DNMT3A: variants seen among roughly 807,000 people sequenced by gnomAD.
DNMT3A encodes the protein DNA methyltransferase 3 alpha, also known as DNA (cytosine-5)-methyltransferase 3A.
Under a neutral mutation model 117.6 loss-of-function variants are expected in DNMT3A, and 267 were observed. That is an observed-to-expected ratio of 2.27 (90% CI 2.05 to 2.51). The LOEUF (loss-of-function observed/expected upper bound fraction) is 2.51. Ranked by LOEUF, DNMT3A falls within the 30% of genes most tolerant of loss-of-function variation. The probability of loss-of-function intolerance (pLI) is 0.00; values close to 1 mark genes in which losing one functional copy is unlikely to be tolerated. For synonymous variants in DNMT3A, 432 were observed against 474.8 expected, an observed-to-expected ratio of 0.91 and a Z score of 1.17; for missense variants, 1,029 against 1,260.2, an observed-to-expected ratio of 0.82 and a Z score of 2.78.
chr2:25,325,641 G>C (rs760394925), intron 1 of DNMT3A, among the ~76,000 whole-genome samples: 2 of 152,166 alleles, frequency 1.3e-5, no homozygotes, highest in East Asian at 3.9e-4. Context: ...CCCTGGGAGA[G>C]AAGACACACA....
chr2:25,239,629 G>A, intron 19 of DNMT3A: 1 of 481,058 alleles, frequency 2.1e-6, no homozygotes, highest in Admixed American at 2.3e-5. Context: ...CAGAGGCTGG[G>A]AGAGCCCAGG....
chr2:25,264,157 T>TTTTTTTTTTTTTTTTTTTTAG (rs2029993964), intron 6 of DNMT3A, among the ~76,000 whole-genome samples: 1 of 145,014 alleles, frequency 6.9e-6, no homozygotes, highest in Non-Finnish European at 1.5e-5. Flanking sequence ...TTTTTTTTTT[T>TTTTTTTTTTTTTTTTTTTTAG]GAGACAAGGT....
intron 1 of DNMT3A, among the ~76,000 whole-genome samples, chr2:25,329,095 G>A (rs764533840): frequency 1.3e-5 from 2 of 152,160 alleles, no homozygotes; most frequent in Non-Finnish European, 2.9e-5. Context: ...AAGGGAGCTC[G>A]CTGCTCTCAG....
At chr2:25,245,163 C>T (rs1674590649) in intron 13 of DNMT3A, 90 bp downstream of exon 13, 1 of 1,281,160 alleles carries the variant, frequency 7.8e-7, no homozygotes, top group African/African-American at 1.5e-5. Context: ...GGGTGTCACC[C>T]TGTACATGCC....
At position 25,247,476 on chromosome 2, in the gene DNMT3A, G is replaced by C; in HGVS notation, c.1014+115C>G. 6.8e-7 allele frequency: 1 copy of C among 1,474,226 alleles called. No individual in the cohort carries two copies. Among genetic ancestry groups the C allele is most frequent in the Non-Finnish European group, 9.2e-7 (1 of 1,086,338 alleles). The allele number at this position is 1,474,226 out of a possible 1,614,324, so 91.3% of individuals were successfully genotyped here. A position where few individuals can be genotyped will look rare whatever the true frequency, so the allele number is the denominator to read the frequency against. On this transcript the variant is annotated intron_variant, in intron 8 of 22. Transcript: ENST00000321117. The surrounding 1 kb of genome is among the most constrained non-coding windows in gnomAD (Gnocchi z 5.6). ...TCCACCCACCACAGGCAGAGTAGGGGTGAGCAGAACCCACTTCCATCACCC... is the reference window on the plus strand; with the variant it reads ...TCCACCCACCACAGGCAGAGTAGGGCTGAGCAGAACCCACTTCCATCACCC...
At chr2:25,301,514 C>T (rs184351634) in intron 2 of DNMT3A, among the ~76,000 whole-genome samples, 39 of 152,256 alleles carry the variant, frequency 2.6e-4, no homozygotes, top group Non-Finnish European at 8.8e-5. Flanking sequence ...TTTTACTCCC[C>T]GCCCCTCACA....
intron 1 of DNMT3A, among the ~76,000 whole-genome samples, chr2:25,332,383 C>T (rs924464615): frequency 5.9e-5 from 9 of 152,192 alleles, no homozygotes; most frequent in African/African-American, 1.4e-4. Flanking sequence ...CCCCTGAATC[C>T]GACTTCCTTC....
Position 25,300,716 on chromosome 2 carries a change from T to C in DNMT3A, c.73-473A>G, listed in dbSNP as rs1203674190. On this transcript the variant is annotated intron_variant, in intron 2 of 22. Transcript: ENST00000321117. Reference sequence around the variant, plus strand: ...ATTTATATATCTAAATAATATAATATATATATATATATATATATATATATA... The same window carrying C: ...ATTTATATATCTAAATAATATAATACATATATATATATATATATATATATA... 6.2e-3 allele frequency among the ~76,000 whole-genome samples: 21 copies of C among 3,370 alleles called. 2 individuals carry two copies. The highest frequency in any genetic ancestry group is 8.4e-3 in the Non-Finnish European group (12 of 1,436). The allele number at this position is 3,370 out of a possible 152,430, so 2.2% of individuals were successfully genotyped here. A position where few individuals can be genotyped will look rare whatever the true frequency, so the allele number is the denominator to read the frequency against.
intron 1 of DNMT3A, among the ~76,000 whole-genome samples, chr2:25,319,037 C>T (rs1409753743): frequency 2.3e-4 from 26 of 111,332 alleles, no homozygotes; most frequent in Middle Eastern, 0.016. Flanking sequence ...TTTTTTGAGA[C>T]GGAGTCTTGC....
At chr2:25,328,196 T>C (rs764587086) in intron 1 of DNMT3A, among the ~76,000 whole-genome samples, 3 of 152,248 alleles carry the variant, frequency 2.0e-5, no homozygotes, top group African/African-American at 7.2e-5. Context: ...ATGTGAATTA[T>C]ATCTTAAAGC....
At chr2:25,321,236 T>G (rs2034586294) in intron 1 of DNMT3A, among the ~76,000 whole-genome samples, 1 of 152,220 alleles carries the variant, frequency 6.6e-6, no homozygotes, top group African/African-American at 2.4e-5. Context: ...TGCATTCTTT[T>G]CTGGAAACTC....
In DNMT3A at chr2:25,234,541, G is replaced by T; in HGVS notation, c.2598-121C>A. ...AGCCACCCGAAGTGCAGGGACAGGG[G>T]CACTCACACCCACCAACTCCTCTGA... On this transcript the variant is annotated intron_variant, in intron 22 of 22. Transcript: ENST00000321117. This position sits in a 1 kb window ranked among gnomAD's most constrained non-coding sequence, Gnocchi z 4.5. The T allele has an allele frequency of 1.7e-6, 2 of 1,182,924 alleles. No homozygotes were observed. The highest frequency in any genetic ancestry group is 2.3e-6 in the Non-Finnish European group (2 of 864,666). The allele number at this position is 1,182,924 out of a possible 1,614,324, so 73.3% of individuals were successfully genotyped here. A position where few individuals can be genotyped will look rare whatever the true frequency, so the allele number is the denominator to read the frequency against.
intron 6 of DNMT3A, among the ~76,000 whole-genome samples, chr2:25,258,466 T>A (rs1676345310): frequency 6.6e-6 from 1 of 152,046 alleles, no homozygotes; most frequent in Admixed American, 6.5e-5. Context: ...GGTCAGTCAG[T>A]CCTTAGCACC....
chr2:25,289,919 G>A (rs547177170), intron 3 of DNMT3A, among the ~76,000 whole-genome samples: 24 of 152,340 alleles, frequency 1.6e-4, no homozygotes, highest in Admixed American at 1.2e-3. Flanking sequence ...AAAGCCTTGC[G>A]TCCCAGGGTG....
chr2:25,301,715 G>T (rs796516967), intron 2 of DNMT3A, among the ~76,000 whole-genome samples: 1 of 152,176 alleles, frequency 6.6e-6, no homozygotes, highest in Non-Finnish European at 1.5e-5. Context: ...AAGACGTCCT[G>T]ACCCTGCAGA....
In DNMT3A at chr2:25,229,470, TCTCCAGCACTGAGAGCAGG is replaced by T. The variant is rs1411624671; in HGVS notation, c.*4790_*4808del. On this transcript the variant is annotated 3_prime_UTR_variant, in exon 23 of 23. Coordinates refer to ENST00000321117, the MANE Select transcript of DNMT3A (RefSeq NM_022552.5). ...GGACAACTCCAGGGTCGCTCTCTAG[TCTCCAGCACTGAGAGCAGG>T]CAGCGTGGAGAATACGCAATGACAA... 3 of 152,134 alleles carry T rather than the reference TCTCCAGCACTGAGAGCAGG, an allele frequency of 2.0e-5. No individual in the cohort carries two copies. The South Asian group carries it at 6.2e-4, about 32-fold the overall frequency. The allele number at this position is 152,134 out of a possible 1,614,324, so 9.4% of individuals were successfully genotyped here.
Position 25,282,772 on chromosome 2 carries a change from G to C in DNMT3A, c.178-61C>G. 6.8e-7 allele frequency: 1 copy of C among 1,479,418 alleles called. No homozygotes were observed. Among genetic ancestry groups the C allele is most frequent in the Non-Finnish European group, 9.0e-7 (1 of 1,113,750 alleles). The allele number at this position is 1,479,418 out of a possible 1,614,324, so 91.6% of individuals were successfully genotyped here. ...AGATCAGTGGGCTTAGCCTGTTTTG[G>C]ATCATTGACCGCTCTGAAATTCTAG... is the stretch of plus-strand genomic sequence containing the variant. On this transcript the variant is annotated intron_variant, in intron 3 of 22. Transcript: ENST00000321117. The surrounding 1 kb of genome is among the most constrained non-coding windows in gnomAD (Gnocchi z 5.2).
At chr2:25,264,755 C>G (rs2030129676) in intron 6 of DNMT3A, among the ~76,000 whole-genome samples, 1 of 152,182 alleles carries the variant, frequency 6.6e-6, no homozygotes, top group African/African-American at 2.4e-5. Context: ...AGCCACCACC[C>G]CCGGCCAAAA....
chr2:25,297,512 T>G (rs551483946), intron 3 of DNMT3A, among the ~76,000 whole-genome samples: 3 of 148,708 alleles, frequency 2.0e-5, no homozygotes, highest in East Asian at 2.0e-4. Context: ...GCATTGTTTT[T>G]TTTTTTTTTT....
Sources: gnomAD v4.1 joint callset for allele counts (sites outside exome capture counted in the v4.1 genomes callset) on GRCh38, gnomAD v4.1.1 for gene constraint, Gnocchi (gnomAD v3.1) non-coding constraint, MANE v1.5 for transcripts, NCBI Gene and HGNC (gene_info 2026-07-23, HGNC 2026-07-21) for gene names.